ISM1: variants seen among roughly 807,000 people sequenced by gnomAD.
The protein encoded by ISM1 is isthmin 1.
Under a neutral mutation model 46.3 loss-of-function variants are expected in ISM1, and 25 were observed. The ratio of observed to expected loss-of-function variants is 0.54; its 90% CI spans 0.39 to 0.75. ISM1 has a LOEUF of 0.75. Among genes scored for constraint, ISM1 ranks in the 30% least tolerant of loss-of-function variants. The pLI is 0.00. For synonymous variants in ISM1, 255 were observed against 256.7 expected, an observed-to-expected ratio of 0.99 and a Z score of 0.06; for missense variants, 536 against 625.4, an observed-to-expected ratio of 0.86 and a Z score of 1.52.
At chr20:13,230,028 A>G (rs566651722) in intron 1 of ISM1, among the ~76,000 whole-genome samples, 36 of 152,270 alleles carry the variant, frequency 2.4e-4, no homozygotes, top group Admixed American at 9.1e-4. Context: ...ATAAAGTTCT[A>G]TCATTTGTGC....
At chr20:13,303,345 T>C (rs905697536), downstream of ISM1, among the ~76,000 whole-genome samples, 3 of 152,252 alleles carry the variant, frequency 2.0e-5, no homozygotes, top group African/African-American at 4.8e-5. Context: ...AGTTATCTCA[T>C]AGTCCATAAA....
chr20:13,280,225 A>G (rs2040223671), intron 3 of ISM1, among the ~76,000 whole-genome samples: 1 of 152,062 alleles, frequency 6.6e-6, no homozygotes, highest in Non-Finnish European at 1.5e-5. Context: ...TCTCCAATTA[A>G]CTTCCTTGTA....
chr20:13,255,006 G>T (rs2039910426), intron 1 of ISM1, among the ~76,000 whole-genome samples: 1 of 152,196 alleles, frequency 6.6e-6, no homozygotes, highest in Non-Finnish European at 1.5e-5. Flanking sequence ...AACAGACACG[G>T]TCCCTGCCTC....
chr20:13,283,906 C>T (rs1209705267), intron 3 of ISM1, among the ~76,000 whole-genome samples: 1 of 152,066 alleles, frequency 6.6e-6, no homozygotes, highest in Non-Finnish European at 1.5e-5. Context: ...CACGTAAGAG[C>T]GTATCTTAAA....
the ISM1 span, among the ~76,000 whole-genome samples, chr20:13,312,587 G>T: frequency 3.7e-3 from 560 of 152,244 alleles, 1 homozygote; most frequent in Non-Finnish European, 6.3e-3. Flanking sequence ...CTAATGAGTC[G>T]CAGCCTGCTG....
intron 1 of ISM1, chr20:13,239,551 T>G (rs2039692875): frequency 6.6e-6 from 1 of 152,232 alleles, no homozygotes; most frequent in Non-Finnish European, 1.5e-5. Flanking sequence ...AAGTACCTTT[T>G]GTGCCACCAG....
At chr20:13,324,444 T>A in the ISM1 span, among the ~76,000 whole-genome samples, 4 of 152,168 alleles carry the variant, frequency 2.6e-5, no homozygotes, top group African/African-American at 7.2e-5. Flanking sequence ...GAAAAGAGGA[T>A]CTTGTCCACA....
intron 1 of ISM1, among the ~76,000 whole-genome samples, chr20:13,264,612 C>G (rs2040023090): frequency 6.6e-6 from 1 of 152,200 alleles, no homozygotes; most frequent in African/African-American, 2.4e-5. Context: ...TCTGGCCATT[C>G]TGACCACTCT....
At chr20:13,304,343 C>A (rs1173204388), downstream of ISM1, among the ~76,000 whole-genome samples, 1 of 152,164 alleles carries the variant, frequency 6.6e-6, no homozygotes, top group East Asian at 1.9e-4. Context: ...TGGGTGGAAT[C>A]AAAGTGGGCG....
At chr20:13,291,235 T>C (rs2040349891) in intron 4 of ISM1, among the ~76,000 whole-genome samples, 1 of 152,204 alleles carries the variant, frequency 6.6e-6, no homozygotes, top group African/African-American at 2.4e-5. Flanking sequence ...TCACCCTCCT[T>C]GCATCCTTTC....
At chr20:13,247,232 CA>C (rs1042712593) in intron 1 of ISM1, among the ~76,000 whole-genome samples, 15 of 147,630 alleles carry the variant, frequency 1.0e-4, no homozygotes, top group East Asian at 2.0e-4. Context: ...ATCTCCGTCT[CA>C]AAAAAAAAAT....
the ISM1 span, among the ~76,000 whole-genome samples, chr20:13,307,621 A>G: frequency 6.6e-6 from 1 of 152,192 alleles, no homozygotes; most frequent in Admixed American, 6.5e-5. Context: ...AAGAATAATC[A>G]GTATCATGAA....
chr20:13,260,861 G>T lies in ISM1; in HGVS notation c.139-9643G>T, dbSNP rs537146707. Among the ~76,000 whole-genome samples, 6 of 152,304 alleles carry T rather than the reference G, an allele frequency of 3.9e-5. No individual in the cohort carries two copies. The South Asian group carries it at 1.2e-3, about 32-fold the overall frequency. On this transcript the variant is annotated intron_variant, in intron 1 of 5. Transcript: ENST00000262487. ...TCTCATGACTCTCTGGGTCAGCAGGGTGGCTCTCATAGCCTGGGGAGGCTC... is the reference window on the plus strand; with the variant it reads ...TCTCATGACTCTCTGGGTCAGCAGGTTGGCTCTCATAGCCTGGGGAGGCTC...
At chr20:13,227,329 G>A (rs929077542) in intron 1 of ISM1, among the ~76,000 whole-genome samples, 3 of 150,982 alleles carry the variant, frequency 2.0e-5, no homozygotes, top group Admixed American at 6.6e-5. Context: ...TCAGCCTCCC[G>A]AGTAGCTGGG....
chr20:13,222,110 C>G (rs747807966), intron 1 of ISM1, among the ~76,000 whole-genome samples, 196 bp downstream of exon 1: 5 of 152,180 alleles, frequency 3.3e-5, no homozygotes, highest in African/African-American at 4.8e-5. Context: ...GAGGCTGCAC[C>G]CGGCTTCCAG....
chr20:13,287,082 A>T (rs1054251354), intron 3 of ISM1, among the ~76,000 whole-genome samples: 5 of 129,838 alleles, frequency 3.9e-5, no homozygotes, highest in African/African-American at 5.8e-5. Context: ...CCACTCCAAG[A>T]CTTTACTTTT....
chr20:13,249,624 G>A (rs1429954649), intron 1 of ISM1, among the ~76,000 whole-genome samples: 1 of 152,196 alleles, frequency 6.6e-6, no homozygotes, highest in Non-Finnish European at 1.5e-5. Flanking sequence ...CATAAAGTTG[G>A]TTTTAATCTC....
At chr20:13,295,505 C>G (rs575600734) in intron 5 of ISM1, among the ~76,000 whole-genome samples, 1 of 152,186 alleles carries the variant, frequency 6.6e-6, no homozygotes, top group African/African-American at 2.4e-5. Context: ...ACAATGAATG[C>G]TACCTGGAGA....
At chr20:13,275,199 C>T (rs574453333) in intron 2 of ISM1, among the ~76,000 whole-genome samples, 35 of 150,528 alleles carry the variant, frequency 2.3e-4, no homozygotes, top group Admixed American at 1.7e-3. Flanking sequence ...CCCATTAAGA[C>T]GGACTTAAAA....
Sources: gnomAD v4.1 joint callset for allele counts (sites outside exome capture counted in the v4.1 genomes callset) on GRCh38, gnomAD v4.1.1 for gene constraint, MANE v1.5 for transcripts, NCBI Gene and HGNC (gene_info 2026-07-23, HGNC 2026-07-21) for gene names.